RAB36: variants seen among roughly 807,000 people sequenced by gnomAD.
RAB36 encodes RAB36, member RAS oncogene family, also known as ras-related protein Rab-36.
Under a neutral mutation model 39.3 loss-of-function variants are expected in RAB36, and 33 were observed. That is an observed-to-expected ratio of 0.84 (90% CI 0.64 to 1.12). RAB36 has a LOEUF of 1.12. Among genes scored for constraint, RAB36 ranks in the 50% most tolerant of loss-of-function variants. The pLI is 0.00. For synonymous variants in RAB36, 133 were observed against 140.2 expected, an observed-to-expected ratio of 0.95 and a Z score of 0.36; for missense variants, 308 against 355.3, an observed-to-expected ratio of 0.87 and a Z score of 1.07.
downstream of RAB36, among the ~76,000 whole-genome samples, chr22:23,168,089 C>T (rs982741664): frequency 3.9e-5 from 6 of 152,158 alleles, no homozygotes; most frequent in African/African-American, 1.4e-4. Context: ...CTTGTTCATG[C>T]ATTCAGCTTT....
At chr22:23,160,776 T>G in intron 9 of RAB36, 103 bp from the exon 10 acceptor site, 1 of 1,500,766 alleles carries the variant, frequency 6.7e-7, no homozygotes, top group Non-Finnish European at 9.0e-7. Context: ...TAGAAAGGGC[T>G]ACGTGCCAAC....
intron 4 of RAB36, 66 bp downstream of exon 4, chr22:23,152,592 G>A (rs777069088): frequency 2.9e-4 from 437 of 1,484,386 alleles, no homozygotes; most frequent in Non-Finnish European, 2.1e-4. Context: ...CTTTGCCTGG[G>A]TGGCCCAGAT....
At chr22:23,167,377 T>C (rs565588686), downstream of RAB36, among the ~76,000 whole-genome samples, 2 of 152,336 alleles carry the variant, frequency 1.3e-5, no homozygotes, top group South Asian at 4.1e-4. Context: ...CAGCCATGGT[T>C]GACAGAGGCT....
chr22:23,167,205 C>A (rs1167194121), downstream of RAB36, among the ~76,000 whole-genome samples: 1 of 152,142 alleles, frequency 6.6e-6, no homozygotes, highest in African/African-American at 2.4e-5. Flanking sequence ...AGTCAGTTGC[C>A]CCAGCACACT....
chr22:23,165,946 A>G (rs983704250), downstream of RAB36, among the ~76,000 whole-genome samples: 2 of 152,104 alleles, frequency 1.3e-5, no homozygotes, highest in East Asian at 1.9e-4. Flanking sequence ...GGAGATAGAG[A>G]CCATCCTGGC....
At chr22:23,145,335 C>G, upstream of RAB36, 1 of 1,592,296 alleles carries the variant, frequency 6.3e-7, no homozygotes, top group Non-Finnish European at 8.5e-7. Flanking sequence ...GCTGCCAGCC[C>G]CGCCCAGACT....
chr22:23,168,996 C>A (rs2072094842), downstream of RAB36, among the ~76,000 whole-genome samples: 1 of 152,234 alleles, frequency 6.6e-6, no homozygotes, highest in Non-Finnish European at 1.5e-5. Flanking sequence ...ACGAGCTCAT[C>A]TTGTCCCAGC....
chr22:23,161,106 C>G, intron 10 of RAB36, 108 bp downstream of exon 10: 1 of 1,349,658 alleles, frequency 7.4e-7, no homozygotes, highest in Non-Finnish European at 1.0e-6. Flanking sequence ...ACTTGTGGCC[C>G]TCTCCTGTCC....
downstream of RAB36, among the ~76,000 whole-genome samples, chr22:23,168,810 T>G (rs922519237): frequency 1.3e-5 from 2 of 152,178 alleles, no homozygotes; most frequent in African/African-American, 4.8e-5. Flanking sequence ...CCCTGGGCAC[T>G]GTCAGCAGGC....
intron 2 of RAB36, among the ~76,000 whole-genome samples, chr22:23,147,933 A>G (rs960717339): frequency 1.3e-5 from 2 of 152,154 alleles, no homozygotes; most frequent in Non-Finnish European, 2.9e-5. Flanking sequence ...GAAAACAAGG[A>G]GAGGGAGAAA....
chr22:23,167,472 C>G (rs773142228), downstream of RAB36, among the ~76,000 whole-genome samples: 11 of 152,292 alleles, frequency 7.2e-5, no homozygotes, highest in Middle Eastern at 3.4e-3. Context: ...CTCCTCCCAG[C>G]CCTGCTGCAG....
intron 3 of RAB36, 91 bp from the exon 4 acceptor site, chr22:23,152,370 C>A: frequency 1.5e-6 from 2 of 1,349,726 alleles, no homozygotes; most frequent in Non-Finnish European, 2.1e-6. Context: ...GGTGTCTCAC[C>A]AGCAGAGAGC....
downstream of RAB36, among the ~76,000 whole-genome samples, chr22:23,166,151 A>T (rs1362460466): frequency 9.8e-5 from 5 of 51,054 alleles, no homozygotes; most frequent in African/African-American, 1.8e-4. Context: ...GTCTTTTAAA[A>T]AAAAAAAAAA....
chr22:23,150,960 C>T (rs781077135), intron 3 of RAB36, among the ~76,000 whole-genome samples: 14 of 152,218 alleles, frequency 9.2e-5, no homozygotes, highest in Admixed American at 2.0e-4. Context: ...CTTCCTGCCG[C>T]GGCAGCTCCT....
chr22:23,161,582 G>C lies in RAB36; in HGVS notation c.*18G>C. 1 of 1,582,072 alleles carries C rather than the reference G, an allele frequency of 6.3e-7. No individual in the cohort carries two copies. On this transcript the variant is annotated 3_prime_UTR_variant, in exon 11 of 11. Coordinates refer to ENST00000263116, the MANE Select transcript of RAB36 (RefSeq NM_004914.5). ...GCTGCTAACTGGGGCCTGCGTGGAA[G>C]GCCTCCGCTCCCTGCACACACACGG...
In RAB36 at chr22:23,157,989, T is replaced by C; in HGVS notation, c.395-3T>C. 1 of 1,614,216 alleles carries C rather than the reference T, an allele frequency of 6.2e-7. No homozygotes were observed. Among genetic ancestry groups the C allele is most frequent in the Non-Finnish European group, 8.5e-7 (1 of 1,180,022 alleles). ...TGGCTGTTGGCTTTTTCCGGGTGTC[T>C]AGTGATCATCACGGCCTTTGACCTC... On this transcript the variant is annotated splice_region_variant and splice_polypyrimidine_tract_variant and intron_variant, in intron 6 of 10. Transcript: ENST00000263116.
At chr22:23,146,478 C>T (rs2146479037) in intron 1 of RAB36, 127 bp from the exon 2 acceptor site, 1 of 1,393,918 alleles carries the variant, frequency 7.2e-7, no homozygotes, top group Non-Finnish European at 9.4e-7. Flanking sequence ...TCCCAAAGTG[C>T]TGGGATTACA....
At chr22:23,157,489 G>A (rs1225302451) in intron 6 of RAB36, among the ~76,000 whole-genome samples, 2 of 152,080 alleles carry the variant, frequency 1.3e-5, no homozygotes, top group Non-Finnish European at 2.9e-5. Flanking sequence ...TTGATCTCCT[G>A]ACTTAGTGAT....
At chr22:23,153,956 T>C (rs967631781) in intron 5 of RAB36, among the ~76,000 whole-genome samples, 2 of 152,142 alleles carry the variant, frequency 1.3e-5, no homozygotes, top group Non-Finnish European at 2.9e-5. Context: ...CCCAAAGTGC[T>C]GGGATTACAG....
Sources: gnomAD v4.1 joint callset for allele counts (sites outside exome capture counted in the v4.1 genomes callset) on GRCh38, gnomAD v4.1.1 for gene constraint, MANE v1.5 for transcripts, NCBI Gene and HGNC (gene_info 2026-07-23, HGNC 2026-07-21) for gene names.